Variants in ANK1 observed in about 807,000 individuals in gnomAD.
The protein encoded by ANK1 is ankyrin 1.
In ANK1, 51 loss-of-function variants were observed where a neutral mutation model predicts 210.4. The observed-to-expected ratio is 0.24, with a 90% CI of 0.19 to 0.31. The LOEUF (loss-of-function observed/expected upper bound fraction) is 0.31, where lower values mean the gene tolerates loss of function less well. Ranked by LOEUF, ANK1 falls within the 10% of genes least tolerant of loss-of-function variation. ANK1 has a pLI of 1.00. For synonymous variants in ANK1, 967 were observed against 1,025.9 expected (o/e 0.94, Z 1.10); for missense variants, 2,051 against 2,504.4 (o/e 0.82, Z 3.86).
chr8:41,824,234 GGATTACAA>G (rs1351490776), intron 1 of ANK1, among the ~76,000 whole-genome samples: 1 of 151,962 alleles, frequency 6.6e-6, no homozygotes, highest in Non-Finnish European at 1.5e-5. Context: ...CAAAGTGCTG[GGATTACAA>G]GTGTGAGCCA....
intron 1 of ANK1, among the ~76,000 whole-genome samples, chr8:41,830,318 C>G (rs571804624): frequency 2.0e-5 from 3 of 149,426 alleles, no homozygotes; most frequent in Non-Finnish European, 4.4e-5. Flanking sequence ...ACATAGGCTA[C>G]TAGATAAGCA....
At chr8:41,889,727 C>A (rs1253233495) in intron 1 of ANK1, among the ~76,000 whole-genome samples, 2 of 152,220 alleles carry the variant, frequency 1.3e-5, no homozygotes, top group African/African-American at 2.4e-5. Context: ...ACAGTTCACA[C>A]CCAGATTTAC....
rs1348941859 is a variant in ANK1, at chr8:41,870,562, A to T, written c.126+25793T>A. Among the ~76,000 whole-genome samples the T allele has an allele frequency of 2.6e-5, 4 of 152,276 alleles. No homozygotes were observed. In the East Asian group the frequency reaches 7.7e-4, roughly 29 times the overall value. On this transcript the variant is annotated intron_variant, in intron 1 of 42. Transcript: ENST00000265709. ...CTCTAGCCCCATGGATCACGGAAGGAGCTGTATGAGAAATGTGAGGTTACT... is the reference window on the plus strand; with the variant it reads ...CTCTAGCCCCATGGATCACGGAAGGTGCTGTATGAGAAATGTGAGGTTACT...
intron 20 of ANK1, among the ~76,000 whole-genome samples, chr8:41,702,961 A>C (rs1049299960): frequency 1.3e-5 from 2 of 151,218 alleles, no homozygotes; most frequent in African/African-American, 4.9e-5. Flanking sequence ...CTGGGACTAC[A>C]GGTGCCTGTC....
intron 2 of ANK1, among the ~76,000 whole-genome samples, chr8:41,740,996 G>A (rs1834650070): frequency 6.6e-6 from 1 of 152,142 alleles, no homozygotes; most frequent in African/African-American, 2.4e-5. Flanking sequence ...TGCTGGGTGG[G>A]TGGGGAAGAG....
chr8:41,697,318 C>T (rs114358024), intron 24 of ANK1, among the ~76,000 whole-genome samples: 163 of 152,312 alleles, frequency 1.1e-3, no homozygotes, highest in African/African-American at 3.8e-3. Context: ...AACGCTGCAA[C>T]TACAGGGATG....
intron 1 of ANK1, among the ~76,000 whole-genome samples, chr8:41,853,055 G>A (rs1281000438): frequency 6.6e-6 from 1 of 152,198 alleles, no homozygotes; most frequent in Non-Finnish European, 1.5e-5. Flanking sequence ...GTAAAACAGT[G>A]AGAAACGGAA....
intron 1 of ANK1, among the ~76,000 whole-genome samples, chr8:41,786,920 G>A (rs1346212425): frequency 6.6e-6 from 1 of 152,246 alleles, no homozygotes; most frequent in Non-Finnish European, 1.5e-5. Context: ...GGCAGTGATG[G>A]AACAAGTTCC....
intron 1 of ANK1, among the ~76,000 whole-genome samples, chr8:41,816,861 C>G (rs1803429167): frequency 6.6e-6 from 1 of 152,194 alleles, no homozygotes; most frequent in Non-Finnish European, 1.5e-5. Context: ...TAGACCTTAT[C>G]CAGAGATAGA....
intron 1 of ANK1, among the ~76,000 whole-genome samples, chr8:41,805,709 C>G (rs1850870541): frequency 6.6e-6 from 1 of 152,062 alleles, no homozygotes; most frequent in Non-Finnish European, 1.5e-5. Flanking sequence ...TGAAAAATAA[C>G]TATATTTTCC....
chr8:41,725,977 ACTCGTCTGACG>A, intron 5 of ANK1, 31 bp from the exon 6 acceptor site: 1 of 1,606,490 alleles, frequency 6.2e-7, no homozygotes, highest in Non-Finnish European at 8.5e-7. Context: ...CTTTGCTCTG[ACTCGTCTGACG>A]CCAGCCGCCC....
chr8:41,822,619 T>G (rs868672317), intron 1 of ANK1, among the ~76,000 whole-genome samples: 2 of 152,224 alleles, frequency 1.3e-5, no homozygotes, highest in Non-Finnish European at 2.9e-5. Flanking sequence ...TAATGACTTC[T>G]TTCTGCATCC....
intron 3 of ANK1, among the ~76,000 whole-genome samples, chr8:41,732,578 G>A (rs1343246907): frequency 6.6e-6 from 1 of 151,528 alleles, no homozygotes; most frequent in African/African-American, 2.4e-5. Flanking sequence ...ACGACTGGCT[G>A]ATTTTTGTAT....
rs772564610 is a variant in ANK1 at position 41,672,829 on chromosome 8, A to G, written c.4621T>C (p.Trp1541Arg). 1.7e-5 allele frequency: 27 copies of G among 1,612,140 alleles called. No individual in the cohort carries two copies. The East Asian group carries it at 4.7e-4, about 28-fold the overall frequency. Residue 1541 changes from tryptophan to arginine, a missense_variant, in exon 38 of 43, where the codon TGG (tryptophan) becomes CGG (arginine). By Grantham distance (101) the Trp-to-Arg change is moderately radical. Coordinates refer to ENST00000289734, the MANE Select transcript of ANK1 (RefSeq NM_000037.4). ...GCGTCTAGGACGGCCACCTCATTCC[A>G]GTACTGGTCTGCACGTAGCGGAGAG... ...LSSPLRADQYWNEVAVLDAIP... is the reference protein window; with the variant it reads ...LSSPLRADQYRNEVAVLDAIP...
chr8:41,795,045 T>A (rs114583254), intron 1 of ANK1, among the ~76,000 whole-genome samples: 97 of 152,296 alleles, frequency 6.4e-4, no homozygotes, highest in African/African-American at 2.3e-3. Context: ...AGGTTTTTAG[T>A]CACTTCACCT....
At chr8:41,812,946 A>C (rs1486071860) in intron 1 of ANK1, among the ~76,000 whole-genome samples, 2 of 152,172 alleles carry the variant, frequency 1.3e-5, no homozygotes, top group Non-Finnish European at 2.9e-5. Context: ...CCTGGTTCCT[A>C]ACAGGCCCCG....
At chr8:41,736,608 G>A (rs1833491947) in intron 2 of ANK1, among the ~76,000 whole-genome samples, 1 of 152,210 alleles carries the variant, frequency 6.6e-6, no homozygotes, top group African/African-American at 2.4e-5. Flanking sequence ...CGGTGCTGAC[G>A]GCTGGGGTTT....
Position 41,708,850 on chromosome 8 carries a change from G to T in ANK1, c.1926C>A (p.Ala642=). The T allele has an allele frequency of 6.2e-7, 1 of 1,614,046 alleles. No homozygotes were observed. Among genetic ancestry groups the T allele is most frequent in the Non-Finnish European group, 8.5e-7 (1 of 1,180,034 alleles). Residue 642 remains alanine (A), a synonymous_variant, in exon 17 of 43, where the codon GCC becomes GCA. Transcript: ENST00000289734. ...SVQGVTPLHL[A]AQEGHAEMVA... ...CCATCTCTGCGTGGCCCTCCTGGGC[G>T]GCCAGGTGAAGGGGCGTCACACCTT...
At chr8:41,680,818 C>A (rs1312716045) in intron 37 of ANK1, among the ~76,000 whole-genome samples, 1 of 152,184 alleles carries the variant, frequency 6.6e-6, no homozygotes, top group East Asian at 1.9e-4. Context: ...TCATGAGGAA[C>A]ATCTCACAGG....
Sources: gnomAD v4.1 joint callset for allele counts (sites outside exome capture counted in the v4.1 genomes callset) on GRCh38, gnomAD v4.1.1 for gene constraint, MANE v1.5 for transcripts, NCBI Gene and HGNC (gene_info 2026-07-23, HGNC 2026-07-21) for gene names.